The following CAST variants were observed in gnomAD, a reference collection of about 807,000 sequenced individuals.
CAST encodes calpastatin, also known as MIR583 host.
A neutral mutation model predicts 119.6 loss-of-function variants in CAST; 76 were observed. The ratio of observed to expected loss-of-function variants is 0.64; its 90% CI spans 0.53 to 0.77. CAST has a LOEUF of 0.77. Among genes scored for constraint, CAST ranks in the 30% least tolerant of loss-of-function variants. The pLI, the probability that CAST is intolerant of heterozygous loss-of-function variation, is 0.00. For synonymous variants in CAST, 319 were observed against 331.6 expected, an observed-to-expected ratio of 0.96 and a Z score of 0.41; for missense variants, 953 against 946.5, an observed-to-expected ratio of 1.01 and a Z score of -0.09.
At chr5:96,295,087 A>T in the CAST span, among the ~76,000 whole-genome samples, 1 of 152,374 alleles carries the variant, frequency 6.6e-6, no homozygotes, top group South Asian at 2.1e-4. Context: ...TATGGAGAAT[A>T]CTGAAGCAAA....
chr5:96,298,792 G>C, the CAST span, among the ~76,000 whole-genome samples: 105 of 152,032 alleles, frequency 6.9e-4, no homozygotes, highest in East Asian at 0.02. Flanking sequence ...CTTGAATAAG[G>C]GGTCCACATA....
the CAST span, among the ~76,000 whole-genome samples, chr5:96,343,819 T>C: frequency 6.6e-6 from 1 of 152,216 alleles, no homozygotes; most frequent in South Asian, 2.1e-4. Flanking sequence ...GTATTTAAAA[T>C]TGTATACCTC....
At chr5:96,052,010 C>T in the CAST span, among the ~76,000 whole-genome samples, 1 of 152,110 alleles carries the variant, frequency 6.6e-6, no homozygotes, top group South Asian at 2.1e-4. Flanking sequence ...ATCGTGCTTA[C>T]TCATGAGGGG....
At chr5:95,984,665 T>C in the CAST span, among the ~76,000 whole-genome samples, 4 of 152,164 alleles carry the variant, frequency 2.6e-5, no homozygotes, top group African/African-American at 9.7e-5. Context: ...GAGGCAGAGA[T>C]ACAGAAGTGA....
At chr5:96,463,753 T>C in the CAST span, among the ~76,000 whole-genome samples, 1 of 152,080 alleles carries the variant, frequency 6.6e-6, no homozygotes, top group African/African-American at 2.4e-5. Flanking sequence ...CCCTTCCATC[T>C]GTCTCTGCTT....
At chr5:96,298,101 T>A in the CAST span, among the ~76,000 whole-genome samples, 1 of 152,208 alleles carries the variant, frequency 6.6e-6, no homozygotes, top group East Asian at 1.9e-4. Flanking sequence ...AACATGTGCG[T>A]GTAGCCTGAT....
At chr5:96,181,363 G>A in the CAST span, among the ~76,000 whole-genome samples, 3 of 152,192 alleles carry the variant, frequency 2.0e-5, no homozygotes, top group Non-Finnish European at 4.4e-5. Flanking sequence ...GTGCATCAAA[G>A]CACAGCATCT....
At chr5:96,550,724 G>A (rs917268129) in intron 1 of CAST, among the ~76,000 whole-genome samples, 4 of 152,164 alleles carry the variant, frequency 2.6e-5, no homozygotes, top group African/African-American at 9.7e-5. Context: ...GAGCTTAAAT[G>A]ACCTGATGGA....
intron 1 of CAST, among the ~76,000 whole-genome samples, chr5:96,581,493 A>G (rs947972054): frequency 2.0e-5 from 3 of 152,346 alleles, no homozygotes; most frequent in Non-Finnish European, 4.4e-5. Flanking sequence ...TTAAGTGCAC[A>G]CATATACTTT....
At chr5:96,026,229 T>G in the CAST span, among the ~76,000 whole-genome samples, 1 of 152,034 alleles carries the variant, frequency 6.6e-6, no homozygotes, top group Admixed American at 6.6e-5. Context: ...AATCAATCAG[T>G]TAGTCAATCA....
intron 20 of CAST, among the ~76,000 whole-genome samples, chr5:96,753,614 G>A (rs780696952): frequency 6.6e-6 from 1 of 152,166 alleles, no homozygotes; most frequent in African/African-American, 2.4e-5. Context: ...ACAGGCTTCC[G>A]AGCCTCCTCT....
chr5:96,400,057 G>A, the CAST span: 2 of 1,614,032 alleles, frequency 1.2e-6, no homozygotes, highest in African/African-American at 1.3e-5. Context: ...CATTTAGCAA[G>A]CCAAATCCAA....
chr5:96,588,446 T>C (rs1324669805), intron 1 of CAST, among the ~76,000 whole-genome samples: 4 of 152,078 alleles, frequency 2.6e-5, no homozygotes, highest in Admixed American at 6.6e-5. Flanking sequence ...ATGATCTGCC[T>C]GCCTCGGCCT....
the CAST span, among the ~76,000 whole-genome samples, chr5:96,172,137 C>G: frequency 6.6e-6 from 1 of 152,144 alleles, no homozygotes. Context: ...AAATTACAGT[C>G]AAAGGGGGTT....
chr5:96,108,038 C>T, the CAST span, among the ~76,000 whole-genome samples: 1,746 of 151,724 alleles, frequency 0.012, 14 homozygotes, highest in Non-Finnish European at 0.017. Context: ...CTTCTGCATT[C>T]TTCACGTAGT....
the CAST span, among the ~76,000 whole-genome samples, chr5:96,336,169 C>T: frequency 6.6e-6 from 1 of 152,148 alleles, no homozygotes; most frequent in East Asian, 1.9e-4. Context: ...TCTCTTAAAC[C>T]TTAGCTCCTA....
At chr5:96,064,463 G>GTT in the CAST span, among the ~76,000 whole-genome samples, 49,460 of 151,994 alleles carry the variant, frequency 0.33, 9,462 homozygotes, top group Non-Finnish European at 0.42. Flanking sequence ...TGAATGATAG[G>GTT]CAAAAGTATG....
rs1170919848 is a variant in CAST, at chr5:96,726,857, C to A, written c.334C>A (p.Gln112Lys). 6.2e-7 allele frequency: 1 copy of A among 1,610,462 alleles called. No individual in the cohort carries two copies. Among genetic ancestry groups the A allele is most frequent in the Non-Finnish European group, 8.5e-7 (1 of 1,176,950 alleles). ...TCCTAACAAGAAAAAACACAAAAAA[C>A]AGGTGATGTTGTTCATTGTACTAGG... ...HLPNKKKHKK[Q>K]AVKTEPEKKS... Residue 112 changes from glutamine (Q) to lysine (K), a missense_variant and splice_region_variant, in exon 5 of 32, where the codon CAG becomes AAG. Physicochemically the swap from Gln to Lys is moderately conservative, Grantham distance 53. Transcript: ENST00000675179.
chr5:96,176,885 A>G, the CAST span, among the ~76,000 whole-genome samples: 122 of 152,302 alleles, frequency 8.0e-4, no homozygotes, highest in African/African-American at 2.8e-3. Flanking sequence ...TTCTTTAATA[A>G]TGTGCCTTTA....
Sources: allele counts gnomAD v4.1 joint callset (sites outside exome capture counted in the v4.1 genomes callset), GRCh38; gene constraint gnomAD v4.1.1; transcripts MANE v1.5; gene names NCBI Gene and HGNC (gene_info 2026-07-23, HGNC 2026-07-21).